The following EPAS1 variants were observed in gnomAD, a reference collection of about 807,000 sequenced individuals.
EPAS1 encodes endothelial PAS domain-containing protein 1.
EPAS1 carries 23 observed loss-of-function variants against 87.9 expected under a neutral mutation model. The observed-to-expected ratio is 0.26, with a 90% CI of 0.19 to 0.37. The LOEUF is 0.37. Ranked by LOEUF, EPAS1 falls within the 10% of genes least tolerant of loss-of-function variation. EPAS1 has a pLI of 1.00. For missense variants in EPAS1, 1,138 were observed against 1,120.7 expected, an observed-to-expected ratio of 1.02 and a Z score of -0.22; for synonymous variants, 508 against 444.3, an observed-to-expected ratio of 1.14 and a Z score of -1.80.
chr2:46,305,335 A>G (rs1408945720), intron 1 of EPAS1, among the ~76,000 whole-genome samples: 1 of 152,188 alleles, frequency 6.6e-6, no homozygotes, highest in Non-Finnish European at 1.5e-5. Context: ...TTCTTAAGAA[A>G]TACCTGTTTG....
intron 1 of EPAS1, among the ~76,000 whole-genome samples, chr2:46,342,972 A>G (rs1463375131): frequency 6.6e-6 from 1 of 152,148 alleles, no homozygotes; most frequent in Admixed American, 6.5e-5. Flanking sequence ...ATTTGTGCAT[A>G]TGAAAATGTC....
intron 1 of EPAS1, among the ~76,000 whole-genome samples, chr2:46,316,120 T>C (rs1683310782): frequency 6.6e-6 from 1 of 152,316 alleles, no homozygotes; most frequent in South Asian, 2.1e-4. Flanking sequence ...ACTTCTAAGA[T>C]ATTGTAGGTT....
chr2:46,301,828 A>AAC (rs1019925686), intron 1 of EPAS1, among the ~76,000 whole-genome samples: 11 of 151,432 alleles, frequency 7.3e-5, no homozygotes, highest in Non-Finnish European at 1.6e-4. Context: ...CTTTTTGAAA[A>AAC]AAAAAAAAAA....
chr2:46,356,127 T>TGGGGGGGGGGGCG, intron 2 of EPAS1, 24 bp from the exon 3 acceptor site: 2 of 1,395,472 alleles, frequency 1.4e-6, no homozygotes, highest in Non-Finnish European at 2.0e-6. Context: ...TCATGCAAGC[T>TGGGGGGGGGGGCG]GTCCCACCCC....
intron 2 of EPAS1, among the ~76,000 whole-genome samples, chr2:46,352,314 T>A (rs967912925): frequency 7.9e-5 from 12 of 152,198 alleles, no homozygotes; most frequent in African/African-American, 2.7e-4. Context: ...AGTCTGTCGA[T>A]TCCGAGGGAA....
intron 1 of EPAS1, among the ~76,000 whole-genome samples, chr2:46,339,283 C>G (rs965293778): frequency 1.3e-5 from 2 of 152,188 alleles, no homozygotes; most frequent in South Asian, 4.1e-4. Flanking sequence ...ATGCATTACC[C>G]TTATCTTCAC....
rs141965374 is a variant in EPAS1, at chr2:46,360,664, G to A, written c.481G>A (p.Asp161Asn). The change falls in exon 5 of 16, where the codon GAC becomes AAC. Residue 161 changes from aspartate to asparagine, a missense_variant. By Grantham distance (23) the Asp-to-Asn change is conservative. Around this residue, in one of 4 missense-constraint regions of EPAS1, gnomAD observed 351 missense variants for 417.1 expected, o/e 0.84. Transcript: ENST00000263734. The surrounding 1 kb of genome is among the most constrained non-coding windows in gnomAD (Gnocchi z 4.5). ...CTCTGGTTTTGGGAAAAAAAGCAAA[G>A]ACATGTCCACAGAGCGGGACTTCTT... ...NGSGFGKKSKDMSTERDFFMR... is the reference protein window; with the variant it reads ...NGSGFGKKSKNMSTERDFFMR... 1.3e-4 allele frequency: 202 copies of A among 1,613,754 alleles called. No individual in the cohort carries two copies. Among genetic ancestry groups the A allele is most frequent in the Middle Eastern group, 3.3e-4 (2 of 6,084 alleles).
chr2:46,371,900 C>T lies in EPAS1; in HGVS notation c.886+1967C>T, dbSNP rs1026333473. On this transcript the variant is annotated intron_variant, in intron 7 of 15. Coordinates refer to ENST00000263734, the MANE Select transcript of EPAS1 (RefSeq NM_001430.5). This position sits in a 1 kb window ranked among gnomAD's most constrained non-coding sequence, Gnocchi z 4.3. ...CTTGGAGGACAGTATTACCTTTTAT[C>T]TTGTAGGATGGGAAAGCAGAAGAAG... Among the ~76,000 whole-genome samples the T allele has an allele frequency of 2.6e-5, 4 of 152,014 alleles. No homozygotes were observed. Among genetic ancestry groups the T allele is most frequent in the African/African-American group, 9.7e-5 (4 of 41,382 alleles).
chr2:46,319,248 G>A (rs1683407508), intron 1 of EPAS1, among the ~76,000 whole-genome samples: 1 of 152,196 alleles, frequency 6.6e-6, no homozygotes, highest in Non-Finnish European at 1.5e-5. Flanking sequence ...ACCTTACCCT[G>A]GGTAAAATGA....
At chr2:46,340,374 TG>T (rs1683887376) in intron 1 of EPAS1, among the ~76,000 whole-genome samples, 1 of 152,290 alleles carries the variant, frequency 6.6e-6, no homozygotes, top group South Asian at 2.1e-4. Context: ...GTCAGAGAGC[TG>T]GAGGCTCAGC....
intron 2 of EPAS1, among the ~76,000 whole-genome samples, chr2:46,350,668 C>T (rs1423737674): frequency 6.6e-6 from 1 of 152,122 alleles, no homozygotes; most frequent in Non-Finnish European, 1.5e-5. Flanking sequence ...TCAGGGTCAA[C>T]TCTGCATTCT....
At chr2:46,336,421 A>G (rs1683795569) in intron 1 of EPAS1, among the ~76,000 whole-genome samples, 1 of 152,082 alleles carries the variant, frequency 6.6e-6, no homozygotes, top group Admixed American at 6.5e-5. Flanking sequence ...AATGTTGCTA[A>G]GGGGCCAGGG....
In EPAS1 at chr2:46,356,442, G is replaced by A. The variant is rs189807021; in HGVS notation, c.369+140G>A. ...GACCCTCGCTGACCTCAGGCCACAC[G>A]CCTCAGGCCACGCTCCCACCCCCAA... On this transcript the variant is annotated intron_variant, in intron 3 of 15. Transcript: ENST00000263734. The A allele has an allele frequency of 3.7e-4, 403 of 1,097,976 alleles. 6 individuals carry two copies. In the East Asian group the frequency reaches 4.7e-3, roughly 13 times the overall value. The allele number at this position is 1,097,976 out of a possible 1,614,324, so 68.0% of individuals were successfully genotyped here.
At chr2:46,340,776 G>A (rs1332902014) in intron 1 of EPAS1, among the ~76,000 whole-genome samples, 1 of 152,220 alleles carries the variant, frequency 6.6e-6, no homozygotes, top group African/African-American at 2.4e-5. Context: ...CACCTGAGCT[G>A]GAGTGCAGTG....
intron 1 of EPAS1, among the ~76,000 whole-genome samples, chr2:46,330,880 A>G (rs774461497): frequency 6.6e-6 from 1 of 151,516 alleles, no homozygotes; most frequent in Non-Finnish European, 1.5e-5. Context: ...TGTCCTGGCT[A>G]ACTCTCCTTT....
At chr2:46,319,025 A>G (rs983758496) in intron 1 of EPAS1, among the ~76,000 whole-genome samples, 1 of 152,218 alleles carries the variant, frequency 6.6e-6, no homozygotes, top group Non-Finnish European at 1.5e-5. Flanking sequence ...TTCAGACCTG[A>G]AAAGCAGCAT....
intron 1 of EPAS1, among the ~76,000 whole-genome samples, chr2:46,323,864 A>T (rs557195551): frequency 5.9e-5 from 9 of 152,334 alleles, no homozygotes; most frequent in African/African-American, 9.6e-5. Flanking sequence ...TAATCAAAGG[A>T]AACTGACTGT....
At position 46,377,940 on chromosome 2, in the gene EPAS1, G is replaced by A; in HGVS notation, c.1296G>A (p.Leu432=). Residue 432 remains leucine, a synonymous_variant, in exon 10 of 16, where the codon CTG becomes CTA. Coordinates refer to ENST00000263734, the MANE Select transcript of EPAS1 (RefSeq NM_001430.5). ...CCTCAGCCTATGGCAAGGCCATCCT[G>A]CCCCCGAGCCAGCCATGGGCCACGG... ...EESSAYGKAI[L]PPSQPWATEL... 6.4e-7 allele frequency: 1 copy of A among 1,556,548 alleles called. No homozygotes were observed. Among genetic ancestry groups the A allele is most frequent in the African/African-American group, 1.4e-5 (1 of 73,368 alleles).
At chr2:46,311,242 T>C (rs1320914594) in intron 1 of EPAS1, among the ~76,000 whole-genome samples, 1 of 152,076 alleles carries the variant, frequency 6.6e-6, no homozygotes, top group African/African-American at 2.4e-5. Context: ...ACTGGGAAAC[T>C]GCTGCCTGGC....
Sources: gnomAD v4.1 joint callset for allele counts (sites outside exome capture counted in the v4.1 genomes callset) on GRCh38, gnomAD v4.1.1 for gene constraint, gnomAD v4.1.1 regional missense constraint, Gnocchi (gnomAD v3.1) non-coding constraint, MANE v1.5 for transcripts, NCBI Gene and HGNC (gene_info 2026-07-23, HGNC 2026-07-21) for gene names.